The following KLHL29 variants were observed in gnomAD, a reference collection of about 807,000 sequenced individuals.
KLHL29 encodes kelch like family member 29.
In KLHL29, 21 loss-of-function variants were observed where a neutral mutation model predicts 80.4. The observed-to-expected ratio is 0.26, with a 90% CI of 0.19 to 0.38. The LOEUF (loss-of-function observed/expected upper bound fraction) is 0.38. Ranked by LOEUF, KLHL29 falls within the 10% of genes least tolerant of loss-of-function variation. The pLI is 1.00. For synonymous variants in KLHL29, 511 were observed against 526.8 expected (o/e 0.97, Z 0.41); for missense variants, 867 against 1,223.9 (o/e 0.71, Z 4.35).
intron 3 of KLHL29, among the ~76,000 whole-genome samples, chr2:23,595,685 C>T (rs776223786): frequency 1.3e-5 from 2 of 152,022 alleles, no homozygotes; most frequent in East Asian, 1.9e-4. Context: ...GGGCAGAGGA[C>T]GTGACCTCCT....
intron 1 of KLHL29, among the ~76,000 whole-genome samples, chr2:23,469,678 A>G (rs780628227): frequency 5.9e-5 from 9 of 152,132 alleles, no homozygotes; most frequent in Non-Finnish European, 1.2e-4. Context: ...TCAAAGAAAA[A>G]TTGTGGAAAA....
At chr2:23,547,542 C>T (rs1234298303) in intron 2 of KLHL29, among the ~76,000 whole-genome samples, 1 of 151,986 alleles carries the variant, frequency 6.6e-6, no homozygotes, top group Non-Finnish European at 1.5e-5. Flanking sequence ...GGTACGGTAG[C>T]CAGCACACAG....
intron 1 of KLHL29, among the ~76,000 whole-genome samples, chr2:23,436,273 A>G (rs981413849): frequency 7.9e-5 from 11 of 138,858 alleles, no homozygotes; most frequent in East Asian, 2.2e-4. Context: ...TAAATAGCCA[A>G]TCAGCTTTGT....
At position 23,420,214 on chromosome 2, in the gene KLHL29, C is replaced by T. The variant is rs148444556; in HGVS notation, c.-154+34434C>T. On this transcript the variant is annotated intron_variant, in intron 1 of 13. Transcript: ENST00000486442. ...ATCGTCTATCCAATAAGAACAATCC[C>T]TCAGCCATTTCAGAGCTGTCTACAG... Among the ~76,000 whole-genome samples the T allele has an allele frequency of 3.5e-3, 534 of 152,300 alleles. 3 individuals are homozygous for T. Among genetic ancestry groups the T allele is most frequent in the African/African-American group, 0.012 (514 of 41,576 alleles).
At chr2:23,506,142 G>C (rs1665591764) in intron 2 of KLHL29, among the ~76,000 whole-genome samples, 2 of 152,226 alleles carry the variant, frequency 1.3e-5, no homozygotes, top group Admixed American at 6.5e-5. Context: ...GAGAAAACAG[G>C]CAAACTTCCC....
At chr2:23,467,557 A>T (rs1664385368) in intron 1 of KLHL29, among the ~76,000 whole-genome samples, 2 of 152,214 alleles carry the variant, frequency 1.3e-5, no homozygotes, top group South Asian at 4.1e-4. Context: ...CCTCAGATCT[A>T]TTCAAATAAA....
At chr2:23,655,956 C>T (rs1425416767) in intron 5 of KLHL29, among the ~76,000 whole-genome samples, 1 of 152,192 alleles carries the variant, frequency 6.6e-6, no homozygotes, top group Non-Finnish European at 1.5e-5. Flanking sequence ...GTCTCAGACT[C>T]CTCCCAGTTA....
chr2:23,436,280 TTGTGTGTGTGTGTGTGTG>T (rs57931176), intron 1 of KLHL29, among the ~76,000 whole-genome samples: 114 of 137,040 alleles, frequency 8.3e-4, no homozygotes, highest in South Asian at 3.1e-3. Flanking sequence ...CCAATCAGCT[TTGTGTGTGTGTGTGTGTG>T]TGTGTGTGTG....
chr2:23,562,767 A>G lies in KLHL29; in HGVS notation c.285+286A>G, dbSNP rs903698185. 2.0e-5 allele frequency among the ~76,000 whole-genome samples: 3 copies of G among 152,204 alleles called. No homozygotes were observed. The highest frequency in any genetic ancestry group is 4.4e-5 in the Non-Finnish European group (3 of 68,042). ...TTGATTAGATGCTATTAATGAGTGA[A>G]GTAACAGTGGACCTCCAAGATGGCA... On this transcript the variant is annotated intron_variant, in intron 3 of 13. Coordinates refer to ENST00000486442, the MANE Select transcript of KLHL29 (RefSeq NM_052920.2). This position sits in a 1 kb window ranked among gnomAD's most constrained non-coding sequence, Gnocchi z 4.5.
At chr2:23,679,905 G>C (rs188622446) in intron 5 of KLHL29, among the ~76,000 whole-genome samples, 5 of 152,198 alleles carry the variant, frequency 3.3e-5, no homozygotes, top group Admixed American at 2.6e-4. Flanking sequence ...TCCAGGCGGA[G>C]GGGACGGAGA....
chr2:23,389,400 CTT>C (rs1666264760), intron 1 of KLHL29, among the ~76,000 whole-genome samples: 1 of 152,296 alleles, frequency 6.6e-6, no homozygotes, highest in African/African-American at 2.4e-5. Context: ...AATTGGAACA[CTT>C]AAGTTCAAAG....
At chr2:23,456,225 A>T (rs1352697074) in intron 1 of KLHL29, among the ~76,000 whole-genome samples, 1 of 152,210 alleles carries the variant, frequency 6.6e-6, no homozygotes, top group Non-Finnish European at 1.5e-5. Flanking sequence ...TGATGGTAGG[A>T]GCCAGTATCC....
intron 2 of KLHL29, among the ~76,000 whole-genome samples, chr2:23,516,578 T>G (rs552608454): frequency 6.6e-6 from 1 of 152,348 alleles, no homozygotes; most frequent in Non-Finnish European, 1.5e-5. Context: ...TACCAGCCTC[T>G]GGGGTCTAGC....
chr2:23,653,304 G>A (rs1342169723), intron 5 of KLHL29, among the ~76,000 whole-genome samples: 3 of 152,190 alleles, frequency 2.0e-5, no homozygotes, highest in African/African-American at 4.8e-5. Flanking sequence ...ATTCCATGGT[G>A]CCCTGTGGAA....
intron 1 of KLHL29, among the ~76,000 whole-genome samples, chr2:23,386,127 C>T (rs897909756): frequency 6.6e-6 from 1 of 152,096 alleles, no homozygotes; most frequent in African/African-American, 2.4e-5. Flanking sequence ...CTGCTGGGCC[C>T]GGCGGCGCGC....
At chr2:23,653,580 G>A (rs1403665214) in intron 5 of KLHL29, among the ~76,000 whole-genome samples, 4 of 152,180 alleles carry the variant, frequency 2.6e-5, no homozygotes, top group African/African-American at 9.7e-5. Flanking sequence ...ACTCACAGGG[G>A]CCGAGTCATA....
chr2:23,455,563 T>C (rs911087127), intron 1 of KLHL29, among the ~76,000 whole-genome samples: 8 of 151,970 alleles, frequency 5.3e-5, no homozygotes, highest in African/African-American at 1.9e-4. Context: ...AAGTTTGCCA[T>C]TGAGTGATGA....
intron 5 of KLHL29, among the ~76,000 whole-genome samples, chr2:23,683,734 G>A (rs1242823718): frequency 6.6e-6 from 1 of 152,218 alleles, no homozygotes; most frequent in East Asian, 1.9e-4. Context: ...GGTGTCCTGA[G>A]AGACTCAACT....
At chr2:23,593,335 T>C (rs531648215) in intron 3 of KLHL29, among the ~76,000 whole-genome samples, 1 of 152,250 alleles carries the variant, frequency 6.6e-6, no homozygotes, top group African/African-American at 2.4e-5. Context: ...AAGGTTTGGG[T>C]TGGATTTTTC....
Sources: allele counts gnomAD v4.1 joint callset (sites outside exome capture counted in the v4.1 genomes callset), GRCh38; gene constraint gnomAD v4.1.1; non-coding constraint Gnocchi (gnomAD v3.1); transcripts MANE v1.5; gene names NCBI Gene and HGNC (gene_info 2026-07-23, HGNC 2026-07-21).